The following ASXL2 variants were observed in gnomAD, a reference collection of about 807,000 sequenced individuals.
ASXL2 encodes putative Polycomb group protein ASXL2.
A neutral mutation model predicts 122.0 loss-of-function variants in ASXL2; 23 were observed. The ratio of observed to expected loss-of-function variants is 0.19; its 90% CI spans 0.14 to 0.27. The LOEUF (loss-of-function observed/expected upper bound fraction) is 0.27. Ranked by LOEUF, ASXL2 falls within the 10% of genes least tolerant of loss-of-function variation. The pLI, the probability that ASXL2 is intolerant of heterozygous loss-of-function variation, is 1.00. For synonymous variants in ASXL2, 650 were observed against 637.0 expected (o/e 1.02, Z -0.31); for missense variants, 1,518 against 1,713.8 (o/e 0.89, Z 2.02).
At chr2:25,848,350 C>T (rs962152274) in intron 1 of ASXL2, among the ~76,000 whole-genome samples, 2 of 151,970 alleles carry the variant, frequency 1.3e-5, no homozygotes, top group African/African-American at 2.4e-5. Flanking sequence ...CGGCTGGGCG[C>T]GGTGGCTCAC....
Position 25,772,967 on chromosome 2 carries a change from G to C in ASXL2, c.404-1427C>G, listed in dbSNP as rs531754716. The stretch of plus-strand genomic sequence containing the variant: ...CTAACGCCTGTAATCCCAGTACTTT[G>C]GGAGGCTGAGGCAGGCGGATCGACT... On this transcript the variant is annotated intron_variant, in intron 5 of 12. Transcript: ENST00000435504. Among the ~76,000 whole-genome samples, 8 of 152,094 alleles carry C rather than the reference G, an allele frequency of 5.3e-5. No homozygotes were observed. The South Asian group carries it at 1.7e-3, about 32-fold the overall frequency.
chr2:25,784,542 C>T (rs1281623356), intron 5 of ASXL2, among the ~76,000 whole-genome samples: 1 of 152,174 alleles, frequency 6.6e-6, no homozygotes, highest in Non-Finnish European at 1.5e-5. Context: ...CTTATTCCTT[C>T]ACAGTTCTGG....
At chr2:25,823,957 G>C (rs946977161) in intron 3 of ASXL2, among the ~76,000 whole-genome samples, 2 of 147,816 alleles carry the variant, frequency 1.4e-5, no homozygotes, top group African/African-American at 5.0e-5. Context: ...TTTGAAAAAA[G>C]AGGCTTGCTG....
chr2:25,762,350 C>T (rs1436901951), intron 8 of ASXL2, among the ~76,000 whole-genome samples: 1 of 147,866 alleles, frequency 6.8e-6, no homozygotes, highest in South Asian at 2.1e-4. Context: ...AGCCAAAAAA[C>T]CTTTTCAGAA....
chr2:25,873,332 A>G (rs1310300893), intron 1 of ASXL2, among the ~76,000 whole-genome samples: 1 of 152,084 alleles, frequency 6.6e-6, no homozygotes. Context: ...AATCACTTGA[A>G]CCCAGGAGGC....
At chr2:25,761,301 C>A (rs1472896566) in intron 8 of ASXL2, among the ~76,000 whole-genome samples, 1 of 152,144 alleles carries the variant, frequency 6.6e-6, no homozygotes, top group Middle Eastern at 3.4e-3. Context: ...CATGCATAGA[C>A]CCAGCATAGT....
In ASXL2 at chr2:25,743,291, T is replaced by C. The variant is rs570823397; in HGVS notation, c.3046A>G (p.Thr1016Ala). ...EVNERQSHPA[T>A]QQQLGKTLQS... ...AAGGTTTTGCCCAGCTGCTGCTGCGTAGCTGGATGGGACTGTCTCTCATTA... is the reference window on the plus strand; with the variant it reads ...AAGGTTTTGCCCAGCTGCTGCTGCGCAGCTGGATGGGACTGTCTCTCATTA... Residue 1016 changes from threonine (T) to alanine (A), a missense_variant, in exon 13 of 13, where the codon ACG becomes GCG. Coordinates refer to ENST00000435504, the MANE Select transcript of ASXL2 (RefSeq NM_018263.6). The C allele has an allele frequency of 1.3e-4, 208 of 1,613,918 alleles. No homozygotes were observed. In the South Asian group the frequency reaches 2.2e-3, roughly 17 times the overall value.
intron 4 of ASXL2, among the ~76,000 whole-genome samples, chr2:25,804,463 C>T (rs573107453): frequency 1.3e-5 from 2 of 152,324 alleles, no homozygotes; most frequent in Non-Finnish European, 2.9e-5. Context: ...TCAGAGGCTC[C>T]TGCTTTAGTT....
chr2:25,771,782 T>C (rs1238377287), intron 5 of ASXL2, among the ~76,000 whole-genome samples: 1 of 152,216 alleles, frequency 6.6e-6, no homozygotes, highest in Non-Finnish European at 1.5e-5. Flanking sequence ...TTTTCATTTA[T>C]TACTTTTTCA....
rs1368025388 is a variant in ASXL2 at position 25,735,694 on chromosome 2, CAG to C, written c.*6333_*6334del. ...CTTACTGACCTAAATTAACTACTGA[CAG>C]AGATTGCTGTTGGCCTGCTTCTAAT... On this transcript the variant is annotated 3_prime_UTR_variant, in exon 13 of 13. Transcript: ENST00000435504. The C allele has an allele frequency of 5.3e-5, 8 of 152,196 alleles. No individual in the cohort carries two copies. The highest frequency in any genetic ancestry group is 1.2e-4 in the Non-Finnish European group (8 of 68,028). 9.4% of individuals were successfully genotyped at this position (152,196 alleles called of 1,614,324 possible).
At chr2:25,837,267 A>G (rs1176934617) in intron 2 of ASXL2, among the ~76,000 whole-genome samples, 3 of 152,228 alleles carry the variant, frequency 2.0e-5, no homozygotes, top group Admixed American at 2.0e-4. Context: ...GTTACAGTAA[A>G]GAATTAATAG....
At chr2:25,783,384 A>G (rs2149162945) in intron 5 of ASXL2, among the ~76,000 whole-genome samples, 1 of 151,474 alleles carries the variant, frequency 6.6e-6, no homozygotes, top group South Asian at 2.1e-4. Context: ...CTGAATTTAT[A>G]TACTCATGGT....
At chr2:25,784,372 T>C (rs762699347) in intron 5 of ASXL2, among the ~76,000 whole-genome samples, 2 of 152,204 alleles carry the variant, frequency 1.3e-5, no homozygotes, top group Non-Finnish European at 2.9e-5. Context: ...AGAAAGATTA[T>C]GGCAGCAGAG....
intron 3 of ASXL2, among the ~76,000 whole-genome samples, chr2:25,814,117 T>C (rs937268222): frequency 1.3e-5 from 2 of 152,106 alleles, no homozygotes; most frequent in African/African-American, 4.8e-5. Flanking sequence ...CAAATCTGGA[T>C]ATAATTTTCT....
chr2:25,769,329 T>C (rs939561740), intron 6 of ASXL2, among the ~76,000 whole-genome samples: 22 of 152,180 alleles, frequency 1.4e-4, no homozygotes, highest in Non-Finnish European at 2.5e-4. Flanking sequence ...AATGTAAATA[T>C]TCAGTTTACG....
intron 1 of ASXL2, among the ~76,000 whole-genome samples, chr2:25,872,198 A>G (rs2089966808): frequency 6.6e-6 from 1 of 152,182 alleles, no homozygotes; most frequent in South Asian, 2.1e-4. Flanking sequence ...GCTGGGCAGC[A>G]TGGCAAAACC....
intron 3 of ASXL2, 27 bp from the exon 4 acceptor site, chr2:25,806,364 A>T: frequency 6.7e-7 from 1 of 1,485,848 alleles, no homozygotes; most frequent in Non-Finnish European, 9.3e-7. Flanking sequence ...AGATGTGATA[A>T]GGAACACAAC....
Position 25,797,314 on chromosome 2 carries a change from G to A in ASXL2, c.403+2071C>T, listed in dbSNP as rs573867476. Among the ~76,000 whole-genome samples, 63 of 151,916 alleles carry A rather than the reference G, an allele frequency of 4.1e-4. 1 individual carries two copies. In the South Asian group the frequency reaches 0.01, roughly 25 times the overall value. On this transcript the variant is annotated intron_variant, in intron 5 of 12. Coordinates refer to ENST00000435504, the MANE Select transcript of ASXL2 (RefSeq NM_018263.6). ...ACAAAAATTAGTTGGGTGTGGTGGC[G>A]GGCGCCTGTAATCCCAGCTACTCGG...
At chr2:25,837,579 C>T (rs895143941) in intron 2 of ASXL2, among the ~76,000 whole-genome samples, 5 of 152,160 alleles carry the variant, frequency 3.3e-5, no homozygotes, top group Admixed American at 2.6e-4. Flanking sequence ...AGGCCAGGTA[C>T]TGTGGCTCAC....
Sources: allele counts gnomAD v4.1 joint callset (sites outside exome capture counted in the v4.1 genomes callset), GRCh38; gene constraint gnomAD v4.1.1; transcripts MANE v1.5; gene names NCBI Gene and HGNC (gene_info 2026-07-23, HGNC 2026-07-21).